Variants in CTNNA2 observed in about 807,000 individuals in gnomAD.
The protein encoded by CTNNA2 is catenin alpha 2, also known as catenin alpha-2.
In CTNNA2, 42 loss-of-function variants were observed where a neutral mutation model predicts 101.0. The observed-to-expected ratio is 0.42, with a 90% CI of 0.32 to 0.54. The LOEUF (loss-of-function observed/expected upper bound fraction) is 0.54, where lower values mean the gene tolerates loss of function less well. Among genes scored for constraint, CTNNA2 ranks in the 20% least tolerant of loss-of-function variants. CTNNA2 has a pLI of 0.14. For missense variants in CTNNA2, 871 were observed against 1,223.1 expected (o/e 0.71, Z 4.29); for synonymous variants, 450 against 456.4 (o/e 0.99, Z 0.18).
At chr2:80,487,845 C>T (rs1431972756) in intron 9 of CTNNA2, among the ~76,000 whole-genome samples, 1 of 152,180 alleles carries the variant, frequency 6.6e-6, no homozygotes, top group African/African-American at 2.4e-5. Flanking sequence ...CTTTCATCTA[C>T]CCTAGAGTGG....
intron 4 of CTNNA2, among the ~76,000 whole-genome samples, chr2:79,429,778 A>G (rs1034208266): frequency 6.6e-6 from 1 of 152,192 alleles, no homozygotes; most frequent in Non-Finnish European, 1.5e-5. Flanking sequence ...GAGAAAAATA[A>G]TTAAATAATA....
chr2:80,490,284 C>A lies in CTNNA2; in HGVS notation c.1291-54698C>A, dbSNP rs796367665. ...TTTTTTTTTCCTTCCCCCCCCACCC[C>A]CCCCCCGGTAAAGCACCAGATAGTA... On this transcript the variant is annotated intron_variant, in intron 9 of 18. Transcript: ENST00000402739. 2.3e-3 allele frequency among the ~76,000 whole-genome samples: 206 copies of A among 87,780 alleles called. 2 individuals carry two copies. The highest frequency in any genetic ancestry group is 0.011 in the Middle Eastern group (1 of 94). 57.6% of individuals were successfully genotyped at this position (87,780 alleles called of 152,430 possible). A position where few individuals can be genotyped will look rare whatever the true frequency, so the allele number is the denominator to read the frequency against.
At chr2:80,397,735 G>C (rs905844439) in intron 8 of CTNNA2, among the ~76,000 whole-genome samples, 1 of 152,058 alleles carries the variant, frequency 6.6e-6, no homozygotes, top group African/African-American at 2.4e-5. Flanking sequence ...TATTAGAAGC[G>C]TGAGAACAGA....
chr2:79,855,384 G>A (rs1234489603), intron 3 of CTNNA2, among the ~76,000 whole-genome samples: 1 of 152,168 alleles, frequency 6.6e-6, no homozygotes, highest in Non-Finnish European at 1.5e-5. Context: ...CAGATGGTTG[G>A]CATCTGCATG....
intron 12 of CTNNA2, among the ~76,000 whole-genome samples, chr2:80,570,245 C>T (rs1489628374): frequency 6.6e-6 from 1 of 152,086 alleles, no homozygotes; most frequent in East Asian, 1.9e-4. Context: ...GGTGGGGTTT[C>T]ACCATGTTGC....
chr2:79,439,101 C>T (rs1172153353), intron 4 of CTNNA2, among the ~76,000 whole-genome samples: 1 of 152,138 alleles, frequency 6.6e-6, no homozygotes, highest in Non-Finnish European at 1.5e-5. Context: ...TATATGTCCA[C>T]ACAAAAGCCA....
At chr2:79,668,165 A>T (rs1278532801) in intron 2 of CTNNA2, among the ~76,000 whole-genome samples, 1 of 145,452 alleles carries the variant, frequency 6.9e-6, no homozygotes, top group Non-Finnish European at 1.5e-5. Context: ...GCGTGAACCC[A>T]GGAAGTGGAG....
chr2:79,814,565 T>A (rs904137297), intron 3 of CTNNA2, among the ~76,000 whole-genome samples: 3 of 151,852 alleles, frequency 2.0e-5, no homozygotes, highest in African/African-American at 7.3e-5. Context: ...CATTAATTCA[T>A]TCCTTTTCAT....
chr2:80,512,902 G>A (rs1688822966), intron 9 of CTNNA2, among the ~76,000 whole-genome samples: 1 of 150,798 alleles, frequency 6.6e-6, no homozygotes, highest in Non-Finnish European at 1.5e-5. Flanking sequence ...AGCTTTTTTG[G>A]CATCCACCAA....
chr2:79,435,328 C>T (rs998187792), intron 4 of CTNNA2, among the ~76,000 whole-genome samples: 1 of 152,088 alleles, frequency 6.6e-6, no homozygotes, highest in South Asian at 2.1e-4. Flanking sequence ...GAGTGCAGAG[C>T]GTGCATTATA....
intron 2 of CTNNA2, among the ~76,000 whole-genome samples, chr2:79,712,374 C>G (rs1168280983): frequency 6.6e-6 from 1 of 152,140 alleles, no homozygotes; most frequent in Admixed American, 6.6e-5. Context: ...TGCAGTTGGG[C>G]TGAGGCTTAT....
In CTNNA2 at chr2:80,526,062, G is replaced by A. The variant is rs186617884; in HGVS notation, c.1291-18920G>A. Among the ~76,000 whole-genome samples, 41 of 152,268 alleles carry A rather than the reference G, an allele frequency of 2.7e-4. 2 individuals carry two copies. Among genetic ancestry groups the A allele is most frequent in the African/African-American group, 9.9e-4 (41 of 41,560 alleles). On this transcript the variant is annotated intron_variant, in intron 9 of 18. Coordinates refer to ENST00000402739, the MANE Select transcript of CTNNA2 (RefSeq NM_001282597.3). ...TAAAAAAATCTGTTTAATGTTTGTG[G>A]TGAGCAATAAATGAGCATCATATAG...
At chr2:79,894,855 T>G (rs1479184622) in intron 6 of CTNNA2, among the ~76,000 whole-genome samples, 2 of 152,222 alleles carry the variant, frequency 1.3e-5, no homozygotes, top group East Asian at 3.8e-4. Flanking sequence ...ACATGCACTT[T>G]TAGCACAAAG....
intron 1 of CTNNA2, among the ~76,000 whole-genome samples, chr2:79,563,993 G>A (rs954390376): frequency 1.3e-5 from 2 of 152,042 alleles, no homozygotes; most frequent in African/African-American, 4.8e-5. Context: ...CTGGAGCCTG[G>A]TCTGACCTGA....
intron 7 of CTNNA2, among the ~76,000 whole-genome samples, chr2:79,936,256 T>G (rs1281891313): frequency 6.6e-6 from 1 of 152,140 alleles, no homozygotes; most frequent in Non-Finnish European, 1.5e-5. Context: ...GGATTTTTTT[T>G]TTTTCTCTGT....
chr2:79,340,726 G>T lies in CTNNA2; in HGVS notation c.-318+27930G>T, dbSNP rs564734468. 6.3e-4 allele frequency among the ~76,000 whole-genome samples: 96 copies of T among 151,568 alleles called. 2 individuals carry two copies. Among genetic ancestry groups the T allele is most frequent in the Non-Finnish European group, 1.5e-4 (10 of 67,834 alleles). Reference sequence around the variant, plus strand: ...GCAGGCGCCTGTAGTCCCAGCTACTGGGGAGGCTGAGGCAGGAGAATGGCC... The same window carrying T: ...GCAGGCGCCTGTAGTCCCAGCTACTTGGGAGGCTGAGGCAGGAGAATGGCC... On this transcript the variant is annotated intron_variant, in intron 3 of 21. Coordinates refer to the CTNNA2 transcript ENST00000466387.
At chr2:79,446,232 A>G (rs919477885) in intron 4 of CTNNA2, among the ~76,000 whole-genome samples, 8 of 146,496 alleles carry the variant, frequency 5.5e-5, no homozygotes, top group Non-Finnish European at 4.5e-5. Flanking sequence ...ATATTCTAAG[A>G]AAAAAAAAAG....
chr2:79,897,672 T>G lies in CTNNA2; in HGVS notation c.853-11922T>G, dbSNP rs562910491. Among the ~76,000 whole-genome samples, 135 of 152,340 alleles carry G rather than the reference T, an allele frequency of 8.9e-4. 2 individuals carry two copies. Among genetic ancestry groups the G allele is most frequent in the Admixed American group, 5.9e-3 (90 of 15,308 alleles). On this transcript the variant is annotated intron_variant, in intron 6 of 18. Coordinates refer to ENST00000402739, the MANE Select transcript of CTNNA2 (RefSeq NM_001282597.3). ...CTAGAAGGAATTGGAGCCAGGTTTCTAATCCAAGCCATCTATCTTAGTCCA... is the reference window on the plus strand; with the variant it reads ...CTAGAAGGAATTGGAGCCAGGTTTCGAATCCAAGCCATCTATCTTAGTCCA...
At chr2:79,508,136 T>C (rs944151866), upstream of CTNNA2, among the ~76,000 whole-genome samples, 2 of 152,184 alleles carry the variant, frequency 1.3e-5, no homozygotes, top group Admixed American at 1.3e-4. Flanking sequence ...GACACAAATA[T>C]GAACACAAGG....
Sources: gnomAD v4.1 joint callset for allele counts (sites outside exome capture counted in the v4.1 genomes callset) on GRCh38, gnomAD v4.1.1 for gene constraint, MANE v1.5 for transcripts, NCBI Gene and HGNC (gene_info 2026-07-23, HGNC 2026-07-21) for gene names.